Variants in TYRP1 observed in about 807,000 individuals in gnomAD.
TYRP1 encodes tyrosinase related protein 1.
In TYRP1, 49 loss-of-function variants were observed where a neutral mutation model predicts 42.8. The observed-to-expected ratio is 1.14, with a 90% confidence interval of 0.91 to 1.45. The LOEUF (loss-of-function observed/expected upper bound fraction) is 1.45. Among genes scored for constraint, TYRP1 ranks in the 40% most tolerant of loss-of-function variants. The probability of loss-of-function intolerance (pLI) is 0.00; values close to 1 mark genes in which losing one functional copy is unlikely to be tolerated. For missense variants in TYRP1, 848 were observed against 662.0 expected (o/e 1.28, Z -3.08); for synonymous variants, 279 against 235.4 (o/e 1.19, Z -1.69).
intron 1 of TYRP1, 130 bp from the exon 2 acceptor site, chr9:12,693,777 TGTCAC>T (rs59305395): frequency 7.1e-6 from 1 of 140,130 alleles, no homozygotes; most frequent in Non-Finnish European, 2.9e-5. Flanking sequence ...TTGTGTGAAA[TGTCAC>T]ACTTTTATTA....
Position 12,709,160 on chromosome 9 carries a change from A to C in TYRP1, c.1592A>C (p.Asn531Thr). 1.2e-6 allele frequency: 2 copies of C among 1,612,506 alleles called. No individual in the cohort carries two copies. The highest frequency in any genetic ancestry group is 8.5e-7 in the Non-Finnish European group (1 of 1,178,956). Residue 531 changes from asparagine to threonine, a missense_variant, in exon 8 of 8, where the codon AAT becomes ACT. By Grantham distance (65) the Asn-to-Thr change is moderately conservative. Coordinates refer to ENST00000388918, the MANE Select transcript of TYRP1 (RefSeq NM_000550.3). Reference sequence around the variant, plus strand: ...GCTGAAGAATATGAAAAACTCCAGAATCCTAATCAGTCTGTGGTCTAACAA... The same window carrying C: ...GCTGAAGAATATGAAAAACTCCAGACTCCTAATCAGTCTGTGGTCTAACAA... The part of the protein sequence containing the change: ...CYAEEYEKLQ[N>T]PNQSVV
chr9:12,701,585 C>T (rs925036121), intron 4 of TYRP1: 1 of 151,864 alleles, frequency 6.6e-6, no homozygotes, highest in African/African-American at 2.4e-5. Flanking sequence ...GTAAATCTCT[C>T]TTCTTTATAA....
At chr9:12,697,326 A>T (rs1162132654) in intron 3 of TYRP1, among the ~76,000 whole-genome samples, 3 of 152,178 alleles carry the variant, frequency 2.0e-5, no homozygotes, top group Non-Finnish European at 2.9e-5. Context: ...CGTGGTTGAA[A>T]TGCCACATGA....
Position 12,698,467 on chromosome 9 carries a change from C to T in TYRP1, c.725C>T (p.Pro242Leu), listed in dbSNP as rs1244581814. 6.2e-7 allele frequency: 1 copy of T among 1,613,526 alleles called. No individual in the cohort carries two copies. ...EKDMQEMLQEPSFSLPYWNFA... is the reference protein window; with the variant it reads ...EKDMQEMLQELSFSLPYWNFA... ...GTGATCTAGGAAATGTTGCAAGAGC[C>T]TTCTTTCTCCCTTCCTTACTGGAAT... Residue 242 changes from proline to leucine, a missense_variant, in exon 4 of 8, where the codon CCT becomes CTT. Coordinates refer to ENST00000388918, the MANE Select transcript of TYRP1 (RefSeq NM_000550.3).
intron 3 of TYRP1, among the ~76,000 whole-genome samples, chr9:12,698,125 CT>C (rs139301549): frequency 0.051 from 7,758 of 152,076 alleles, 218 homozygotes; most frequent in Non-Finnish European, 0.062. Context: ...TTATTGATAA[CT>C]TTTTTGTATA....
rs140233627 is a variant in TYRP1 at position 12,709,084 on chromosome 9, A to C, written c.1516A>C (p.Ser506Arg). 1 of 1,612,858 alleles carries C rather than the reference A, an allele frequency of 6.2e-7. No homozygotes were observed. The highest frequency in any genetic ancestry group is 8.5e-7 in the Non-Finnish European group (1 of 1,179,246). ...TTCTTATCTGATTCGTGCCAGACGC[A>C]GTATGGATGAAGCTAACCAGCCTCT... ...TASYLIRARR[S>R]MDEANQPLLT... Residue 506 changes from serine (S) to arginine (R), a missense_variant, in exon 8 of 8, where the codon AGT becomes CGT. By Grantham distance (110) the Ser-to-Arg change is moderately radical (BLOSUM62 -1). Transcript: ENST00000388918.
chr9:12,697,114 T>G (rs1456978983), intron 3 of TYRP1, among the ~76,000 whole-genome samples: 5 of 152,182 alleles, frequency 3.3e-5, no homozygotes, highest in African/African-American at 9.7e-5. Context: ...ATTTAGTAGA[T>G]TATAGATAAA....
chr9:12,693,784 C>G, intron 1 of TYRP1, 128 bp from the exon 2 acceptor site: 1 of 483,028 alleles, frequency 2.1e-6, no homozygotes, highest in Non-Finnish European at 3.8e-6. Flanking sequence ...AAATGTCACA[C>G]TTTTATTATT....
Position 12,704,570 on chromosome 9 carries a change from C to G in TYRP1, c.1126C>G (p.Leu376Val), listed in dbSNP as rs778524156. ...TGKYDPAVRS[L>V]HNLAHLFLNG... ...AAAGTATGACCCTGCTGTTCGAAGT[C>G]TTCACAATTTGGCTCATCTATTCCT... The change falls in exon 6 of 8, where the codon CTT (leucine) becomes GTT (valine). Residue 376 changes from leucine (L) to valine (V), a missense_variant. Leu to Val is a conservative substitution (Grantham distance 32). Transcript: ENST00000388918. The G allele has an allele frequency of 2.5e-6, 4 of 1,612,900 alleles. No homozygotes were observed. Among genetic ancestry groups the G allele is most frequent in the Non-Finnish European group, 3.4e-6 (4 of 1,179,462 alleles).
At chr9:12,699,167 G>C (rs1818125993) in intron 4 of TYRP1, among the ~76,000 whole-genome samples, 1 of 152,110 alleles carries the variant, frequency 6.6e-6, no homozygotes, top group African/African-American at 2.4e-5. Flanking sequence ...ATATTGTACT[G>C]ATGTCTGCCC....
At chr9:12,698,981 T>C (rs1230799044) in intron 4 of TYRP1, among the ~76,000 whole-genome samples, 1 of 152,086 alleles carries the variant, frequency 6.6e-6, no homozygotes, top group African/African-American at 2.4e-5. Flanking sequence ...TTAGAAGTCA[T>C]GTGTCTTGTG....
At chr9:12,694,903 C>T (rs1043461622) in intron 2 of TYRP1, among the ~76,000 whole-genome samples, 4 of 152,132 alleles carry the variant, frequency 2.6e-5, no homozygotes, top group Non-Finnish European at 5.9e-5. Flanking sequence ...AAGCACTAAA[C>T]AGTAACAGCC....
At chr9:12,703,284 T>C (rs1053443193) in intron 5 of TYRP1, among the ~76,000 whole-genome samples, 1 of 151,972 alleles carries the variant, frequency 6.6e-6, no homozygotes, top group African/African-American at 2.4e-5. Context: ...TGCCCTATGA[T>C]CAGAGATACT....
At chr9:12,708,956 T>TTTATC (rs1818307227) in intron 7 of TYRP1, 21 bp from the exon 8 acceptor site, 2 of 1,559,350 alleles carry the variant, frequency 1.3e-6, no homozygotes, top group South Asian at 2.2e-5. Flanking sequence ...TCTTTTTATT[T>TTTATC]TTATCTTCCT....
intron 3 of TYRP1, among the ~76,000 whole-genome samples, chr9:12,698,238 C>A (rs1450485509): frequency 6.6e-6 from 1 of 152,000 alleles, no homozygotes; most frequent in East Asian, 1.9e-4. Context: ...AGTTTCATTC[C>A]CTCTAATGCC....
intron 7 of TYRP1, among the ~76,000 whole-genome samples, chr9:12,708,588 G>A (rs72702635): frequency 6.6e-6 from 1 of 151,994 alleles, no homozygotes; most frequent in Non-Finnish European, 1.5e-5. Flanking sequence ...ATTTTTCTGA[G>A]ATTTTGAAGT....
At chr9:12,707,962 A>G (rs1435138127) in intron 6 of TYRP1, 35 bp from the exon 7 acceptor site, 2 of 1,571,910 alleles carry the variant, frequency 1.3e-6, no homozygotes, top group African/African-American at 1.4e-5. Flanking sequence ...TAATTTTATT[A>G]TGTTTATTAA....
intron 1 of TYRP1, 114 bp from the exon 2 acceptor site, chr9:12,693,798 G>C (rs902909439): frequency 1.6e-6 from 1 of 620,492 alleles, no homozygotes; most frequent in African/African-American, 1.8e-5. Context: ...TATTATTTGT[G>C]TGAAATGTCA....
Position 12,702,030 on chromosome 9 carries a change from G to A in TYRP1, c.914-241G>A, listed in dbSNP as rs561948416. Among the ~76,000 whole-genome samples, 10 of 152,026 alleles carry A rather than the reference G, an allele frequency of 6.6e-5. No individual in the cohort carries two copies. The South Asian group carries it at 1.9e-3, about 28-fold the overall frequency. On this transcript the variant is annotated intron_variant, in intron 4 of 7. Coordinates refer to ENST00000388918, the MANE Select transcript of TYRP1 (RefSeq NM_000550.3). ...CAAATATCAACACCTGTATCTGTTAGTGTGATTCTTTTTTTTCCTTCAGAT... is the reference window on the plus strand; with the variant it reads ...CAAATATCAACACCTGTATCTGTTAATGTGATTCTTTTTTTTCCTTCAGAT...
Sources: gnomAD v4.1 joint callset for allele counts (sites outside exome capture counted in the v4.1 genomes callset) on GRCh38, gnomAD v4.1.1 for gene constraint, MANE v1.5 for transcripts, NCBI Gene and HGNC (gene_info 2026-07-23, HGNC 2026-07-21) for gene names.